Variants in FOXK2 observed in about 807,000 individuals in gnomAD.
FOXK2 encodes the protein forkhead box K2.
Under a neutral mutation model 53.3 loss-of-function variants are expected in FOXK2, and 24 were observed. The ratio of observed to expected loss-of-function variants is 0.45; its 90% CI spans 0.33 to 0.63. The LOEUF (loss-of-function observed/expected upper bound fraction) is 0.63, where lower values mean the gene tolerates loss of function less well. Among genes scored for constraint, FOXK2 ranks in the 30% least tolerant of loss-of-function variants. The pLI is 0.03. For missense variants in FOXK2, 952 were observed against 910.5 expected, an observed-to-expected ratio of 1.05 and a Z score of -0.59; for synonymous variants, 505 against 407.1, an observed-to-expected ratio of 1.24 and a Z score of -2.89.
intron 3 of FOXK2, among the ~76,000 whole-genome samples, chr17:82,571,327 G>A (rs1001171813): frequency 6.6e-6 from 1 of 152,112 alleles, no homozygotes; most frequent in Non-Finnish European, 1.5e-5. Context: ...CAGGCTGGGC[G>A]CAGTGGCTCA....
chr17:82,556,691 T>TTTTTA (rs1196554114), intron 1 of FOXK2, among the ~76,000 whole-genome samples: 44 of 151,670 alleles, frequency 2.9e-4, no homozygotes, highest in Admixed American at 1.3e-3. Context: ...CCTGCCTCTT[T>TTTTTA]TTTTTATTTT....
At chr17:82,578,796 T>G (rs140741415) in intron 4 of FOXK2, among the ~76,000 whole-genome samples, 286 of 152,332 alleles carry the variant, frequency 1.9e-3, no homozygotes, top group East Asian at 0.013. Flanking sequence ...TCCACAGACT[T>G]ACTTTGCGTC....
At chr17:82,579,593 T>A (rs878918355) in intron 4 of FOXK2, among the ~76,000 whole-genome samples, 2 of 40,684 alleles carry the variant, frequency 4.9e-5, no homozygotes, top group Non-Finnish European at 9.1e-5. Flanking sequence ...GGCCTAGCCC[T>A]CCTCTCCATG....
chr17:82,525,378 C>T (rs1392934842), intron 1 of FOXK2, among the ~76,000 whole-genome samples: 1 of 152,078 alleles, frequency 6.6e-6, no homozygotes, highest in Non-Finnish European at 1.5e-5. Flanking sequence ...CGGGGTTTCA[C>T]CATGTTGGTC....
intron 1 of FOXK2, among the ~76,000 whole-genome samples, chr17:82,538,127 A>G (rs1599883059): frequency 6.6e-6 from 1 of 151,392 alleles, no homozygotes; most frequent in East Asian, 2.0e-4. Flanking sequence ...GGAGGCTGAG[A>G]CAGGAGAATC....
chr17:82,590,428 T>A (rs1305336703), intron 8 of FOXK2, among the ~76,000 whole-genome samples: 1 of 152,192 alleles, frequency 6.6e-6, no homozygotes, highest in Non-Finnish European at 1.5e-5. Flanking sequence ...CGTGCTGAGA[T>A]GACAGGGTGA....
Position 82,602,743 on chromosome 17 carries a change from G to T in FOXK2, c.*1244G>T, listed in dbSNP as rs570849533. On this transcript the variant is annotated 3_prime_UTR_variant, in exon 9 of 9. Coordinates refer to ENST00000335255, the MANE Select transcript of FOXK2 (RefSeq NM_004514.4). ...GGGGGTGAGGGAATGAGAGTGGGAG[G>T]TCCCTGCACCTCCTCGCCCGGCTCC... 6.6e-6 allele frequency: 1 copy of T among 152,376 alleles called. No homozygotes were observed. Among genetic ancestry groups the T allele is most frequent in the Admixed American group, 6.5e-5 (1 of 15,310 alleles). 9.4% of individuals were successfully genotyped at this position (152,376 alleles called of 1,614,324 possible).
chr17:82,549,547 G>A (rs973573847), intron 1 of FOXK2, among the ~76,000 whole-genome samples: 3 of 147,516 alleles, frequency 2.0e-5, no homozygotes, highest in African/African-American at 7.6e-5. Context: ...TATTACAGTT[G>A]CAGTGCAGCA....
intron 1 of FOXK2, among the ~76,000 whole-genome samples, chr17:82,522,350 G>A (rs542437148): frequency 2.0e-5 from 3 of 150,732 alleles, no homozygotes; most frequent in Non-Finnish European, 4.4e-5. Context: ...ACCTGGCCAA[G>A]ATTTTGAGTT....
At chr17:82,550,793 C>T (rs1461012785) in intron 1 of FOXK2, among the ~76,000 whole-genome samples, 1 of 152,142 alleles carries the variant, frequency 6.6e-6, no homozygotes, top group East Asian at 1.9e-4. Context: ...GTGTGGGCCA[C>T]GGCGCCGGCC....
At position 82,601,943 on chromosome 17, in the gene FOXK2, A is replaced by G. The variant is rs1217433671; in HGVS notation, c.*444A>G. 1 of 157,654 alleles carries G rather than the reference A, an allele frequency of 6.3e-6. No individual in the cohort carries two copies. The highest frequency in any genetic ancestry group is 1.4e-5 in the Non-Finnish European group (1 of 71,084). 9.8% of individuals were successfully genotyped at this position (157,654 alleles called of 1,614,324 possible). ...TATTTTGAGGTGTCCTTTCTTTACA[A>G]AATAATGGGGTCTTGGGCATTTCAC... On this transcript the variant is annotated 3_prime_UTR_variant, in exon 9 of 9. Transcript: ENST00000335255.
intron 1 of FOXK2, among the ~76,000 whole-genome samples, chr17:82,535,867 C>T (rs1034116897): frequency 2.6e-5 from 4 of 151,896 alleles, no homozygotes; most frequent in South Asian, 4.2e-4. Context: ...CTCAGCCTCC[C>T]GAGTAGCTGG....
At chr17:82,567,947 T>A in intron 2 of FOXK2, 107 bp from the exon 3 acceptor site, 1 of 625,382 alleles carries the variant, frequency 1.6e-6, no homozygotes, top group South Asian at 4.1e-5. Flanking sequence ...TTTTTTTTTT[T>A]TAACATTTCT....
At chr17:82,587,475 C>T (rs2045200332) in intron 8 of FOXK2, 1 of 596,224 alleles carries the variant, frequency 1.7e-6, no homozygotes, top group Non-Finnish European at 3.0e-6. Context: ...GAGGACCTGC[C>T]TGAAAAGAGA....
chr17:82,542,836 G>A (rs8075480), intron 1 of FOXK2, among the ~76,000 whole-genome samples: 25,955 of 151,996 alleles, frequency 0.17, 2,776 homozygotes, highest in East Asian at 0.39. Context: ...AAGGAACATA[G>A]TAGGACCCTG....
chr17:82,537,868 G>A (rs2044536063), intron 1 of FOXK2, among the ~76,000 whole-genome samples: 1 of 149,454 alleles, frequency 6.7e-6, no homozygotes, highest in African/African-American at 2.5e-5. Context: ...GTTATAGTGA[G>A]CTGAGATTGC....
At chr17:82,566,084 C>T (rs954276971) in intron 2 of FOXK2, among the ~76,000 whole-genome samples, 3 of 151,858 alleles carry the variant, frequency 2.0e-5, no homozygotes, top group East Asian at 1.9e-4. Flanking sequence ...GAGGGGGAGC[C>T]GGTGTTTCTT....
At chr17:82,534,550 T>C (rs1052935135) in intron 1 of FOXK2, among the ~76,000 whole-genome samples, 13 of 152,300 alleles carry the variant, frequency 8.5e-5, no homozygotes, top group African/African-American at 2.6e-4. Flanking sequence ...CCAGGCTCCT[T>C]CTTGCTGAGA....
At chr17:82,589,358 A>C (rs943386570) in intron 8 of FOXK2, among the ~76,000 whole-genome samples, 2 of 152,212 alleles carry the variant, frequency 1.3e-5, no homozygotes, top group African/African-American at 4.8e-5. Context: ...TTAGGCTTAA[A>C]TGTCATTTAT....
Sources: allele counts gnomAD v4.1 joint callset (sites outside exome capture counted in the v4.1 genomes callset), GRCh38; gene constraint gnomAD v4.1.1; transcripts MANE v1.5; gene names NCBI Gene and HGNC (gene_info 2026-07-23, HGNC 2026-07-21).